The following RASSF8 variants were observed in gnomAD, a reference collection of about 807,000 sequenced individuals.
RASSF8 encodes the protein Ras association domain family member 8.
Under a neutral mutation model 48.5 loss-of-function variants are expected in RASSF8, and 22 were observed. That is an observed-to-expected ratio of 0.45 (90% CI 0.32 to 0.65). The LOEUF (loss-of-function observed/expected upper bound fraction) is 0.65, where lower values mean the gene tolerates loss of function less well. RASSF8 is among the 30% of genes least tolerant of loss of function. RASSF8 has a pLI of 0.03. For synonymous variants in RASSF8, 127 were observed against 171.5 expected, an observed-to-expected ratio of 0.74 and a Z score of 2.03; for missense variants, 418 against 489.2, an observed-to-expected ratio of 0.85 and a Z score of 1.37.
chr12:26,075,108 AC>A (rs1330942598), downstream of RASSF8, among the ~76,000 whole-genome samples: 38 of 152,194 alleles, frequency 2.5e-4, no homozygotes, highest in Non-Finnish European at 1.3e-4. Flanking sequence ...CAGTTTGTGC[AC>A]GTAACAAATT....
chr12:26,069,813 T>C lies in RASSF8; in HGVS notation c.*995T>C. 1.0e-6 allele frequency: 1 copy of C among 985,218 alleles called. No homozygotes were observed. Among genetic ancestry groups the C allele is most frequent in the Non-Finnish European group, 1.2e-6 (1 of 829,708 alleles). 61.0% of individuals were successfully genotyped at this position (985,218 alleles called of 1,614,324 possible). The stretch of plus-strand genomic sequence containing the variant: ...CCATGGGTAAGGTATTGCTTGCACA[T>C]AATTTGCTCTGCATATTATGGACCA... On this transcript the variant is annotated 3_prime_UTR_variant, in exon 6 of 6. Coordinates refer to ENST00000689635, the MANE Select transcript of RASSF8 (RefSeq NM_001394098.1).
At chr12:26,066,150 G>A (rs1257781661) in intron 4 of RASSF8, among the ~76,000 whole-genome samples, 1 of 152,092 alleles carries the variant, frequency 6.6e-6, no homozygotes, top group East Asian at 1.9e-4. Flanking sequence ...AGTCACACAT[G>A]GTCACATTTC....
At chr12:26,013,429 T>C (rs1942576585) in intron 2 of RASSF8, among the ~76,000 whole-genome samples, 2 of 152,232 alleles carry the variant, frequency 1.3e-5, no homozygotes, top group East Asian at 3.8e-4. Context: ...TTCAGGATTA[T>C]ATGGTGCTGT....
chr12:26,031,144 A>G (rs374547942), intron 2 of RASSF8, among the ~76,000 whole-genome samples: 6 of 152,274 alleles, frequency 3.9e-5, no homozygotes, highest in Admixed American at 2.0e-4. Context: ...TTTTACAACT[A>G]GTAACTTGGT....
At chr12:25,996,233 T>C (rs1214292582) in intron 2 of RASSF8, among the ~76,000 whole-genome samples, 3 of 152,142 alleles carry the variant, frequency 2.0e-5, no homozygotes, top group African/African-American at 7.2e-5. Context: ...TCAGACCCTA[T>C]TTTTAAGGCC....
chr12:26,024,164 T>G (rs2137076403), intron 2 of RASSF8, among the ~76,000 whole-genome samples: 1 of 152,308 alleles, frequency 6.6e-6, no homozygotes, highest in African/African-American at 2.4e-5. Flanking sequence ...TTCATTATTT[T>G]CTTTTTTTAA....
downstream of RASSF8, among the ~76,000 whole-genome samples, chr12:26,074,197 C>T (rs1178757810): frequency 2.0e-5 from 3 of 152,142 alleles, no homozygotes; most frequent in South Asian, 2.1e-4. Flanking sequence ...TCTCCACATA[C>T]GTGTGCTGTG....
chr12:26,003,832 T>TAAAAATACATATATGTATTTATAGTA (rs1942319594), intron 2 of RASSF8, among the ~76,000 whole-genome samples: 1 of 152,156 alleles, frequency 6.6e-6, no homozygotes, highest in Non-Finnish European at 1.5e-5. Flanking sequence ...TATATGCCTT[T>TAAAAATACATATATGTATTTATAGTA]AAAAATACAT....
At chr12:26,008,392 A>G (rs998925429) in intron 2 of RASSF8, among the ~76,000 whole-genome samples, 9 of 152,220 alleles carry the variant, frequency 5.9e-5, no homozygotes, top group Admixed American at 2.0e-4. Context: ...GTGAGCTGCT[A>G]TAGCTACTAG....
chr12:26,042,302 GTTTTGTTTTA>G (rs934333851), intron 2 of RASSF8, among the ~76,000 whole-genome samples: 1 of 152,088 alleles, frequency 6.6e-6, no homozygotes, highest in African/African-American at 2.4e-5. Context: ...GGTCTGGGTT[GTTTTGTTTTA>G]TTTTGTTTTG....
intron 2 of RASSF8, among the ~76,000 whole-genome samples, chr12:26,014,282 TC>T (rs1244303960): frequency 2.6e-5 from 4 of 152,252 alleles, no homozygotes; most frequent in Non-Finnish European, 5.9e-5. Context: ...TGGTATGTGT[TC>T]ATGCTGAGCC....
intron 2 of RASSF8, among the ~76,000 whole-genome samples, chr12:26,010,938 C>T (rs937071795): frequency 2.0e-5 from 3 of 152,214 alleles, no homozygotes; most frequent in African/African-American, 7.2e-5. Flanking sequence ...GTACCCTTGT[C>T]GTTTTTAAGT....
chr12:26,014,957 G>A (rs552991091), intron 2 of RASSF8, among the ~76,000 whole-genome samples: 2 of 152,010 alleles, frequency 1.3e-5, no homozygotes, highest in East Asian at 3.9e-4. Flanking sequence ...TGTAATCCCA[G>A]CACTTTGGGA....
At chr12:26,025,026 A>G (rs1942875187) in intron 2 of RASSF8, among the ~76,000 whole-genome samples, 1 of 152,234 alleles carries the variant, frequency 6.6e-6, no homozygotes, top group South Asian at 2.1e-4. Flanking sequence ...GATTATTTCA[A>G]TAAAAAAAGC....
At chr12:25,962,283 C>T (rs1941255138) in intron 1 of RASSF8, among the ~76,000 whole-genome samples, 1 of 152,192 alleles carries the variant, frequency 6.6e-6, no homozygotes, top group Non-Finnish European at 1.5e-5. Context: ...AGGATCATCT[C>T]CTTGAGTAAC....
downstream of RASSF8, among the ~76,000 whole-genome samples, chr12:26,074,723 C>T (rs1359050511): frequency 3.9e-5 from 6 of 151,992 alleles, no homozygotes; most frequent in African/African-American, 9.7e-5. Context: ...TAGGGTGTCA[C>T]GGAGACAAAC....
In RASSF8 at chr12:25,958,734, C is replaced by CTCCTACGCCCGCGCTCG. The variant is rs1941143560; in HGVS notation, c.-613_-597dup. Among the ~76,000 whole-genome samples, 2 of 146,354 alleles carry CTCCTACGCCCGCGCTCG rather than the reference C, an allele frequency of 1.4e-5. No homozygotes were observed. The highest frequency in any genetic ancestry group is 2.4e-5 in the African/African-American group (1 of 40,822). ...GTCGCCGACTCCTACGCCCGCGCTC[C>CTCCTACGCCCGCGCTCG]TCCTACGCCCGCGCTCGTCCGGCGC... On this transcript the variant is annotated 5_prime_UTR_variant, in exon 1 of 6. Transcript: ENST00000689635.
intron 2 of RASSF8, among the ~76,000 whole-genome samples, chr12:26,015,873 T>C (rs959877994): frequency 1.3e-5 from 2 of 152,160 alleles, no homozygotes; most frequent in Non-Finnish European, 2.9e-5. Context: ...AAGCTGTGCA[T>C]ACTTTAAGAA....
chr12:25,961,909 A>G (rs1231976247), intron 1 of RASSF8, among the ~76,000 whole-genome samples: 2 of 151,770 alleles, frequency 1.3e-5, no homozygotes, highest in African/African-American at 2.4e-5. Flanking sequence ...TTATTGCAAA[A>G]TCTCTTTCAA....
Sources: gnomAD v4.1 joint callset for allele counts (sites outside exome capture counted in the v4.1 genomes callset) on GRCh38, gnomAD v4.1.1 for gene constraint, MANE v1.5 for transcripts, NCBI Gene and HGNC (gene_info 2026-07-23, HGNC 2026-07-21) for gene names.